POTEF: variants seen among roughly 807,000 people sequenced by gnomAD.
The protein encoded by POTEF is POTE ankyrin domain family member F, also known as ANKRD26-like family C member 1B.
A neutral mutation model predicts 83.2 loss-of-function variants in POTEF; 20 were observed. The ratio of observed to expected loss-of-function variants is 0.24; its 90% CI spans 0.17 to 0.35. The LOEUF (loss-of-function observed/expected upper bound fraction) is 0.35, where lower values mean the gene tolerates loss of function less well. Among genes scored for constraint, POTEF ranks in the 10% least tolerant of loss-of-function variants. POTEF has a pLI of 1.00. For synonymous variants in POTEF, 196 were observed against 446.4 expected (o/e 0.44, Z 7.07); for missense variants, 550 against 1,203.2 (o/e 0.46, Z 8.03).
chr2:130,075,211 A>C lies in POTEF; in HGVS notation c.2261T>G (p.Val754Gly), dbSNP rs779755526. 4 of 1,612,570 alleles carry C rather than the reference A, an allele frequency of 2.5e-6. No individual in the cohort carries two copies. In the African/African-American group the frequency reaches 4.0e-5, roughly 16 times the overall value. ...TCTTTTGCTCTGGGCCTCCTTGCCCACATAGGACTCTTTCTGATGCATGCC... is the reference window on the plus strand; with the variant it reads ...TCTTTTGCTCTGGGCCTCCTTGCCCCCATAGGACTCTTTCTGATGCATGCC... ...MGGMHQKESY[V>G]GKEAQSKRGI... The change falls in exon 17 of 17, where the codon GTG (valine) becomes GGG (glycine). Residue 754 changes from valine (V) to glycine (G), a missense_variant. By Grantham distance (109) the Val-to-Gly change is moderately radical. Transcript: ENST00000409914.
intron 11 of POTEF, among the ~76,000 whole-genome samples, chr2:130,098,386 CA>C (rs1684305067): frequency 6.6e-6 from 1 of 151,354 alleles, no homozygotes; most frequent in Non-Finnish European, 1.5e-5. Flanking sequence ...TGGCAATATT[CA>C]GATTGAGGGT....
rs935659651 is a variant in POTEF at position 130,122,726 on chromosome 2, G to C, written c.-93-2118C>G. Among the ~76,000 whole-genome samples, 121 of 150,858 alleles carry C rather than the reference G, an allele frequency of 8.0e-4. 2 individuals are homozygous for C. Among genetic ancestry groups the C allele is most frequent in the African/African-American group, 2.9e-3 (118 of 40,710 alleles). ...TTTCATCAATGTGCTATAATTTTCA[G>C]TATACAAATCGTTCACATCCTTCAT... On this transcript the variant is annotated intron_variant, in intron 2 of 16. Transcript: ENST00000409914.
intron 4 of POTEF, 29 bp from the exon 5 acceptor site, chr2:130,115,083 C>T (rs1188151476): frequency 1.4e-6 from 2 of 1,468,664 alleles, no homozygotes; most frequent in South Asian, 2.8e-5. Context: ...AAACAAATTA[C>T]AAATCTTAGG....
rs1224718144 is a variant in POTEF at position 130,110,050 on chromosome 2, C to G, written c.1055+493G>C. Among the ~76,000 whole-genome samples, 8 of 151,538 alleles carry G rather than the reference C, an allele frequency of 5.3e-5. No homozygotes were observed. The East Asian group carries it at 1.4e-3, about 26-fold the overall frequency. The stretch of plus-strand genomic sequence containing the variant: ...GCAGCAACAGAATCAACGGAAACAA[C>G]AGAATGATTGCAATGTCTTTTTTCC... On this transcript the variant is annotated intron_variant, in intron 7 of 16. Coordinates refer to ENST00000409914, the MANE Select transcript of POTEF (RefSeq NM_001099771.2).
In POTEF at chr2:130,129,178, C is replaced by CTGTGCT. The variant is rs1553425822; in HGVS notation, c.-357_-356insAGCACA. 2 of 58,468 alleles carry CTGTGCT rather than the reference C, an allele frequency of 3.4e-5. No homozygotes were observed. Among genetic ancestry groups the CTGTGCT allele is most frequent in the East Asian group, 1.1e-3 (2 of 1,898 alleles). 3.6% of individuals were successfully genotyped at this position (58,468 alleles called of 1,614,324 possible). On this transcript the variant is annotated 5_prime_UTR_variant, in exon 1 of 17. Transcript: ENST00000409914. Reference sequence around the variant, plus strand: ...GCTCAGGCTCCAGCCTCCAGCATGCCGCTCCCTTCTACTCGTCTTCCTGCC... The same window carrying CTGTGCT: ...GCTCAGGCTCCAGCCTCCAGCATGCCTGTGCTGCTCCCTTCTACTCGTCTTCCTGCC...
chr2:130,075,571 A>T lies in POTEF; in HGVS notation c.1901T>A (p.Leu634His), dbSNP rs1683775655. 1 of 1,609,016 alleles carries T rather than the reference A, an allele frequency of 6.2e-7. No homozygotes were observed. The highest frequency in any genetic ancestry group is 1.4e-5 in the African/African-American group (1 of 73,986). Residue 634 changes from leucine (L) to histidine (H), a missense_variant and splice_region_variant, in exon 17 of 17, where the codon CTT becomes CAT. By Grantham distance (99) the Leu-to-His change is moderately conservative. Coordinates refer to ENST00000409914, the MANE Select transcript of POTEF (RefSeq NM_001099771.2). ...IEVVEKMNSE[L>H]SLSCKKEKDI... ...TTTTTCTTTCTTACAACTAAGAGAA[A>T]GCTAAGTAAACAAAGAGAACTTTTA... is the stretch of plus-strand genomic sequence containing the variant.
chr2:130,074,942 T>G lies in POTEF; in HGVS notation c.2530A>C (p.Thr844Pro), dbSNP rs878949683. 4 of 1,606,014 alleles carry G rather than the reference T, an allele frequency of 2.5e-6. No homozygotes were observed. In the East Asian group the frequency reaches 6.7e-5, roughly 27 times the overall value. Reference sequence around the variant, plus strand: ...ACGATGCCAGTAGTACGGCCAGAGGTGTACAGGGACAGCACAGCCTGGATG... The same window carrying G: ...ACGATGCCAGTAGTACGGCCAGAGGGGTACAGGGACAGCACAGCCTGGATG... ...VAIQAVLSLY[T>P]SGRTTGIVMD... Residue 844 changes from threonine to proline, a missense_variant, in exon 17 of 17, where the codon ACC (threonine) becomes CCC (proline). Physicochemically the swap from Thr to Pro is conservative, Grantham distance 38. Transcript: ENST00000409914.
chr2:130,121,084 T>C (rs925378794), intron 2 of POTEF, among the ~76,000 whole-genome samples: 2 of 151,462 alleles, frequency 1.3e-5, no homozygotes, highest in Non-Finnish European at 2.9e-5. Flanking sequence ...GTGCAAGCCG[T>C]TACAAGCCAG....
chr2:130,076,180 C>A (rs1683798650), intron 16 of POTEF, among the ~76,000 whole-genome samples: 2 of 109,126 alleles, frequency 1.8e-5, no homozygotes, highest in South Asian at 5.6e-4. Context: ...ACACTGTACA[C>A]ATCTGTATCT....
At chr2:130,123,632 A>G (rs111774001) in intron 2 of POTEF, among the ~76,000 whole-genome samples, 2,821 of 151,898 alleles carry the variant, frequency 0.019, 202 homozygotes, top group African/African-American at 0.065. Context: ...ATTTACATAG[A>G]AAAAAGGAAT....
At chr2:130,107,819 A>G in intron 8 of POTEF, 190 bp downstream of exon 8, 1 of 587,518 alleles carries the variant, frequency 1.7e-6, no homozygotes. Context: ...AAGTTGTATA[A>G]TTATTTCATT....
intron 2 of POTEF, among the ~76,000 whole-genome samples, chr2:130,126,472 T>C (rs565055756): frequency 3.1e-4 from 47 of 152,060 alleles, no homozygotes; most frequent in Non-Finnish European, 5.1e-4. Flanking sequence ...AATATTTTTA[T>C]GTGATGCTTC....
intron 2 of POTEF, among the ~76,000 whole-genome samples, chr2:130,121,818 AT>A (rs1436657815): frequency 8.9e-6 from 1 of 112,266 alleles, no homozygotes; most frequent in Non-Finnish European, 1.9e-5. Flanking sequence ...CAATTTATAT[AT>A]TATTTAATTC....
rs1262338570 is a variant in POTEF at position 130,113,694 on chromosome 2, C to G, written c.810+1187G>C. Among the ~76,000 whole-genome samples, 9 of 147,496 alleles carry G rather than the reference C, an allele frequency of 6.1e-5. No homozygotes were observed. In the South Asian group the frequency reaches 8.8e-4, roughly 15 times the overall value. On this transcript the variant is annotated intron_variant, in intron 5 of 16. Coordinates refer to ENST00000409914, the MANE Select transcript of POTEF (RefSeq NM_001099771.2). ...GGAAACATTTTCAAATATACATATCCAGGCTTTATTAGACTTACTGTATCA... is the reference window on the plus strand; with the variant it reads ...GGAAACATTTTCAAATATACATATCGAGGCTTTATTAGACTTACTGTATCA...
At chr2:130,094,790 AAAAAT>A (rs1208116255) in intron 11 of POTEF, among the ~76,000 whole-genome samples, 622 of 55,594 alleles carry the variant, frequency 0.011, no homozygotes, top group African/African-American at 0.047. Flanking sequence ...TCCATCTCAA[AAAAAT>A]AAAATAAAAT....
intron 11 of POTEF, among the ~76,000 whole-genome samples, chr2:130,094,996 CA>C (rs1409079627): frequency 6.6e-6 from 1 of 150,774 alleles, no homozygotes; most frequent in Non-Finnish European, 1.5e-5. Context: ...AATTACCAGG[CA>C]AAACTGTTAG....
chr2:130,100,791 G>A (rs1305516231), intron 9 of POTEF, 71 bp from the exon 10 acceptor site: 1 of 1,558,786 alleles, frequency 6.4e-7, no homozygotes, highest in African/African-American at 1.4e-5. Context: ...TGGAGCGCAT[G>A]TTTTAAAAAA....
intron 5 of POTEF, among the ~76,000 whole-genome samples, chr2:130,114,004 C>T (rs1684778392): frequency 6.6e-6 from 1 of 152,076 alleles, no homozygotes; most frequent in African/African-American, 2.4e-5. Flanking sequence ...CTTCCACCTT[C>T]CCATCCAGAC....
chr2:130,116,007 T>C (rs1461289746), intron 3 of POTEF, among the ~76,000 whole-genome samples: 1 of 152,050 alleles, frequency 6.6e-6, no homozygotes, highest in Non-Finnish European at 1.5e-5. Flanking sequence ...CCTGGTGTCT[T>C]ACATGAAGTA....
Sources: gnomAD v4.1 joint callset for allele counts (sites outside exome capture counted in the v4.1 genomes callset) on GRCh38, gnomAD v4.1.1 for gene constraint, MANE v1.5 for transcripts, NCBI Gene and HGNC (gene_info 2026-07-23, HGNC 2026-07-21) for gene names.